Variants in FER1L6 observed in about 807,000 individuals in gnomAD.
FER1L6 encodes fer-1 like family member 6.
FER1L6 carries 177 observed loss-of-function variants against 219.2 expected under a neutral mutation model. The ratio of observed to expected loss-of-function variants is 0.81; its 90% CI spans 0.71 to 0.91. The LOEUF is 0.91. Ranked by LOEUF, FER1L6 falls within the 40% of genes least tolerant of loss-of-function variation. The pLI, the probability that FER1L6 is intolerant of heterozygous loss-of-function variation, is 0.00. For missense variants in FER1L6, 2,153 were observed against 2,259.9 expected (o/e 0.95, Z 0.96); for synonymous variants, 768 against 824.3 (o/e 0.93, Z 1.17).
intron 1 of FER1L6, among the ~76,000 whole-genome samples, chr8:123,873,074 C>T (rs1313834747): frequency 6.6e-6 from 1 of 152,168 alleles, no homozygotes; most frequent in Admixed American, 6.5e-5. Flanking sequence ...GACTTCAGAG[C>T]TTTGTGTGAT....
intron 1 of FER1L6, among the ~76,000 whole-genome samples, chr8:123,890,988 T>G (rs1812639732): frequency 6.6e-6 from 1 of 152,244 alleles, no homozygotes; most frequent in South Asian, 2.1e-4. Context: ...GTTTTAATGT[T>G]CAGGAAAGAT....
chr8:124,102,513 G>A (rs897323466), intron 38 of FER1L6, among the ~76,000 whole-genome samples: 7 of 152,124 alleles, frequency 4.6e-5, no homozygotes, highest in Admixed American at 1.3e-4. Flanking sequence ...CCATTCTCAT[G>A]TTTTTGCCCA....
At chr8:123,973,357 G>A in intron 6 of FER1L6, 77 bp from the exon 7 acceptor site, 1 of 1,193,344 alleles carries the variant, frequency 8.4e-7, no homozygotes, top group South Asian at 1.2e-5. Context: ...CTCCAGACAG[G>A]GTCAAAGCTA....
intron 26 of FER1L6, 29 bp from the exon 27 acceptor site, chr8:124,066,399 T>G (rs1246014572): frequency 8.1e-6 from 13 of 1,608,512 alleles, no homozygotes; most frequent in Non-Finnish European, 1.1e-5. Context: ...GAGGTTGAAC[T>G]AATAACCCAT....
intron 20 of FER1L6, among the ~76,000 whole-genome samples, chr8:124,042,476 G>T (rs1272320221): frequency 6.6e-6 from 1 of 152,228 alleles, no homozygotes; most frequent in Non-Finnish European, 1.5e-5. Context: ...GGAAGGTAAG[G>T]CTCGGAAGCG....
At chr8:124,106,358 A>C (rs113322669) in intron 39 of FER1L6, among the ~76,000 whole-genome samples, 4,869 of 132,146 alleles carry the variant, frequency 0.037, 314 homozygotes, top group African/African-American at 0.13. Flanking sequence ...AAAAAAAAAA[A>C]AAACAGAGTG....
intron 25 of FER1L6, among the ~76,000 whole-genome samples, chr8:124,062,729 G>C (rs1820642757): frequency 6.6e-6 from 1 of 152,094 alleles, no homozygotes; most frequent in South Asian, 2.1e-4. Flanking sequence ...GAATATCCCT[G>C]TGTGTGTTCC....
chr8:124,048,451 T>C (rs981770083), intron 21 of FER1L6, among the ~76,000 whole-genome samples: 21 of 152,312 alleles, frequency 1.4e-4, no homozygotes, highest in African/African-American at 2.9e-4. Context: ...CGCAGCCCCA[T>C]GCTGCCTCTG....
chr8:123,911,885 A>G (rs1813052475), intron 1 of FER1L6, among the ~76,000 whole-genome samples: 1 of 152,174 alleles, frequency 6.6e-6, no homozygotes, highest in Non-Finnish European at 1.5e-5. Flanking sequence ...AGAGAATTAC[A>G]GGGCAAATTT....
intron 1 of FER1L6, among the ~76,000 whole-genome samples, chr8:123,949,879 G>A (rs1184266194): frequency 6.6e-6 from 1 of 152,176 alleles, no homozygotes; most frequent in Non-Finnish European, 1.5e-5. Context: ...GAGGAAGAAG[G>A]TTTGGGGAGT....
intron 32 of FER1L6, among the ~76,000 whole-genome samples, chr8:124,080,607 C>T (rs529491867): frequency 7.9e-5 from 12 of 152,220 alleles, no homozygotes; most frequent in Admixed American, 1.3e-4. Context: ...CGTGAGCCAC[C>T]GCTCCCGGCC....
intron 1 of FER1L6, among the ~76,000 whole-genome samples, chr8:123,924,394 T>C (rs1201576463): frequency 2.0e-5 from 3 of 150,808 alleles, no homozygotes; most frequent in African/African-American, 7.3e-5. Flanking sequence ...TACAAAAAAT[T>C]AGCCGGGCAT....
Position 124,010,628 on chromosome 8 carries a change from C to A in FER1L6, c.1735C>A (p.Pro579Thr). 6.2e-7 allele frequency: 1 copy of A among 1,613,876 alleles called. No homozygotes were observed. The highest frequency in any genetic ancestry group is 2.2e-5 in the East Asian group (1 of 44,888). ...YNYLPFEAKK[P>T]CVYFISSWGD... ...CTATTTGCCATTTGAGGCTAAGAAG[C>A]CCTGTGTCTATTTCATCAGCTCTTG... The change falls in exon 14 of 41, where the codon CCC becomes ACC. Residue 579 changes from proline (P) to threonine (T), a missense_variant. Pro to Thr is a conservative substitution (Grantham distance 38, BLOSUM62 -1). Transcript: ENST00000522917.
intron 15 of FER1L6, 52 bp from the exon 16 acceptor site, chr8:124,017,576 A>G: frequency 2.2e-6 from 3 of 1,376,840 alleles, no homozygotes; most frequent in Non-Finnish European, 2.1e-6. Context: ...CTGGAATTAT[A>G]TAAATGGATT....
intron 20 of FER1L6, among the ~76,000 whole-genome samples, chr8:124,043,392 T>C (rs1819590112): frequency 6.6e-6 from 1 of 152,234 alleles, no homozygotes; most frequent in African/African-American, 2.4e-5. Flanking sequence ...ACTCTGTCCA[T>C]GACAGCTGGC....
intron 16 of FER1L6, among the ~76,000 whole-genome samples, chr8:124,018,426 A>C (rs1395528711): frequency 6.6e-6 from 1 of 152,194 alleles, no homozygotes; most frequent in Non-Finnish European, 1.5e-5. Flanking sequence ...TAATCCAAAA[A>C]CTAAAACCCA....
rs113350921 is a variant in FER1L6 at position 124,052,196 on chromosome 8, T to G, written c.2874+2440T>G. 6.6e-3 allele frequency among the ~76,000 whole-genome samples: 1,001 copies of G among 152,306 alleles called. 11 individuals carry two copies. The highest frequency in any genetic ancestry group is 0.022 in the African/African-American group (929 of 41,564). ...AGTCTTAAGTGAGAATCCTGTTGAT[T>G]TTAGACTTTCAACGAGTGATTTTAG... On this transcript the variant is annotated intron_variant, in intron 22 of 40. Transcript: ENST00000522917.
rs201150948 is a variant in FER1L6, at chr8:123,852,520, GAGAC to G, written c.-8+339_-8+342del. Among the ~76,000 whole-genome samples the G allele has an allele frequency of 1.9e-3, 290 of 151,126 alleles. 1 individual carries two copies. Among genetic ancestry groups the G allele is most frequent in the African/African-American group, 6.7e-3 (276 of 40,960 alleles). On this transcript the variant is annotated intron_variant, in intron 1 of 40. Transcript: ENST00000522917. This position sits in a 1 kb window ranked among gnomAD's most constrained non-coding sequence, Gnocchi z 4.9. ...TGTGTGTGTGTGTGTGTGTTTGACA[GAGAC>G]AGAGGGAGGAGAAAGAAGAGAGACT...
intron 1 of FER1L6, among the ~76,000 whole-genome samples, chr8:123,886,777 G>T (rs936150644): frequency 1.3e-5 from 2 of 152,160 alleles, no homozygotes; most frequent in Admixed American, 6.5e-5. Flanking sequence ...GCCAGGCATT[G>T]GTATGTTAAG....
Sources: allele counts gnomAD v4.1 joint callset (sites outside exome capture counted in the v4.1 genomes callset), GRCh38; gene constraint gnomAD v4.1.1; non-coding constraint Gnocchi (gnomAD v3.1); transcripts MANE v1.5; gene names NCBI Gene and HGNC (gene_info 2026-07-23, HGNC 2026-07-21).